Variants in UNKL observed in about 807,000 individuals in gnomAD.
The protein encoded by UNKL is putative E3 ubiquitin-protein ligase UNKL.
In UNKL, 60 loss-of-function variants were observed where a neutral mutation model predicts 78.0. The observed-to-expected ratio is 0.77, with a 90% CI of 0.63 to 0.95. The LOEUF is 0.95. UNKL is among the 40% of genes least tolerant of loss of function. UNKL has a pLI of 0.00. For synonymous variants in UNKL, 608 were observed against 474.8 expected (o/e 1.28, Z -3.65); for missense variants, 1,159 against 1,045.7 (o/e 1.11, Z -1.49).
Position 1,363,229 on chromosome 16 carries a change from C to T in UNKL, c.*3011G>A, listed in dbSNP as rs778271120. On this transcript the variant is annotated 3_prime_UTR_variant, in exon 15 of 15. Coordinates refer to ENST00000389221, the MANE Select transcript of UNKL (RefSeq NM_001372107.1). ...CAAAGATTCAAGGTTTTAATTAATT[C>T]CCATACTGATAAAAATAACTCCATG... 4.0e-5 allele frequency: 29 copies of T among 733,592 alleles called. No individual in the cohort carries two copies. Among genetic ancestry groups the T allele is most frequent in the Non-Finnish European group, 6.2e-5 (26 of 420,938 alleles). 45.4% of individuals were successfully genotyped at this position (733,592 alleles called of 1,614,324 possible).
At chr16:1,401,344 G>T in intron 4 of UNKL, 1 of 456,344 alleles carries the variant, frequency 2.2e-6, no homozygotes, top group Non-Finnish European at 3.6e-6. Flanking sequence ...GCCAGTTGCC[G>T]CAGAGATTCA....
At chr16:1,412,682 A>G (rs1340085812) in intron 2 of UNKL, among the ~76,000 whole-genome samples, 1 of 152,232 alleles carries the variant, frequency 6.6e-6, no homozygotes, top group Non-Finnish European at 1.5e-5. Context: ...AAACATCAAG[A>G]GACGAAACAT....
chr16:1,371,082 C>CAA (rs764163064), intron 11 of UNKL, among the ~76,000 whole-genome samples: 196 of 67,834 alleles, frequency 2.9e-3, no homozygotes, highest in African/African-American at 7.1e-3. Context: ...GGCTCTGTCT[C>CAA]AAAAAAAAAA....
Position 1,367,246 on chromosome 16 carries a change from G to A in UNKL, c.1892C>T (p.Ala631Val). The A allele has an allele frequency of 1.4e-5, 23 of 1,592,102 alleles. No homozygotes were observed. The highest frequency in any genetic ancestry group is 2.0e-5 in the Non-Finnish European group (23 of 1,172,810). ...LALQKKEEVE[A>V]QVKQLQEELE... The stretch of plus-strand genomic sequence containing the variant: ...CTCCTCCTGCAGCTGCTTCACCTGT[G>A]CCTCCACCTCCTCCTTCTTCTGCAG... The change falls in exon 14 of 15, where the codon GCA (alanine) becomes GTA (valine). Residue 631 changes from alanine to valine, a missense_variant. Coordinates refer to ENST00000389221, the MANE Select transcript of UNKL (RefSeq NM_001372107.1).
At chr16:1,367,896 G>A in intron 12 of UNKL, 38 bp from the exon 13 acceptor site, 2 of 1,511,896 alleles carry the variant, frequency 1.3e-6, no homozygotes, top group Non-Finnish European at 1.8e-6. Flanking sequence ...CAGCCCTGCT[G>A]TGCTCGCGGC....
chr16:1,381,001 G>C (rs1400624984), intron 10 of UNKL, among the ~76,000 whole-genome samples: 3 of 152,144 alleles, frequency 2.0e-5, no homozygotes, highest in Non-Finnish European at 4.4e-5. Flanking sequence ...AAATGAAAGA[G>C]TGTGCTTCAA....
intron 9 of UNKL, among the ~76,000 whole-genome samples, chr16:1,386,351 G>A (rs576531400): frequency 1.3e-5 from 2 of 152,302 alleles, no homozygotes; most frequent in South Asian, 2.1e-4. Context: ...TCAGGAGTTC[G>A]AGACCAGGCT....
chr16:1,366,158 A>G lies in UNKL; in HGVS notation c.*82T>C, dbSNP rs548719190. ...CCTCGGTCCTCACGTCGGTGGCACC[A>G]GAAGCGAGTGACGACATGTCCGTGG... On this transcript the variant is annotated 3_prime_UTR_variant, in exon 15 of 15. Transcript: ENST00000389221. 7 of 1,396,554 alleles carry G rather than the reference A, an allele frequency of 5.0e-6. No individual in the cohort carries two copies. In the South Asian group the frequency reaches 9.5e-5, roughly 19 times the overall value. The allele number at this position is 1,396,554 out of a possible 1,614,324, so 86.5% of individuals were successfully genotyped here.
chr16:1,366,129 C>T lies in UNKL; in HGVS notation c.*111G>A. On this transcript the variant is annotated 3_prime_UTR_variant, in exon 15 of 15. Coordinates refer to ENST00000389221, the MANE Select transcript of UNKL (RefSeq NM_001372107.1). Reference sequence around the variant, plus strand: ...TGATAACGTGTAACAGGAAGGGCTCCCAGCCTCGGTCCTCACGTCGGTGGC... The same window carrying T: ...TGATAACGTGTAACAGGAAGGGCTCTCAGCCTCGGTCCTCACGTCGGTGGC... The T allele has an allele frequency of 1.5e-6, 2 of 1,305,106 alleles. No homozygotes were observed. Among genetic ancestry groups the T allele is most frequent in the Admixed American group, 6.2e-5 (2 of 32,174 alleles). 80.8% of individuals were successfully genotyped at this position (1,305,106 alleles called of 1,614,324 possible). A position where few individuals can be genotyped will look rare whatever the true frequency, so the allele number is the denominator to read the frequency against.
chr16:1,402,111 C>T (rs1165622805), intron 3 of UNKL, among the ~76,000 whole-genome samples: 1 of 152,244 alleles, frequency 6.6e-6, no homozygotes, highest in Admixed American at 6.5e-5. Context: ...CGCTTTTCTG[C>T]AGCCCCAGAC....
chr16:1,401,846 G>A lies in UNKL; in HGVS notation c.465-145C>T, dbSNP rs117069883. 7.1e-3 allele frequency: 8,129 copies of A among 1,150,790 alleles called. 48 individuals are homozygous for A. Among genetic ancestry groups the A allele is most frequent in the Non-Finnish European group, 7.8e-3 (6,661 of 849,874 alleles). The allele number at this position is 1,150,790 out of a possible 1,614,324, so 71.3% of individuals were successfully genotyped here. On this transcript the variant is annotated intron_variant, in intron 3 of 14. Transcript: ENST00000389221. Reference sequence around the variant, plus strand: ...TCAGGACGGAGTCTCAGTGTGTGGCGCTCCGCTGTCCTGGCCCGCAGTCCT... The same window carrying A: ...TCAGGACGGAGTCTCAGTGTGTGGCACTCCGCTGTCCTGGCCCGCAGTCCT...
At position 1,366,349 on chromosome 16, in the gene UNKL, C is replaced by T. The variant is rs780497442; in HGVS notation, c.2093G>A (p.Arg698Gln). The T allele has an allele frequency of 4.2e-5, 68 of 1,604,392 alleles. No homozygotes were observed. The highest frequency in any genetic ancestry group is 1.3e-4 in the East Asian group (6 of 44,544). ...GGGCCGCAGGACAGCACCGTGGGCC[C>T]GCTCCCGGCAGGCCACACACTGCTT... is the stretch of plus-strand genomic sequence containing the variant. ...RAKQCVACRE[R>Q]AHGAVLRPCQ... The change falls in exon 15 of 15, where the codon CGG becomes CAG. Residue 698 changes from arginine to glutamine, a missense_variant. By Grantham distance (43) the Arg-to-Gln change is conservative. Coordinates refer to ENST00000389221, the MANE Select transcript of UNKL (RefSeq NM_001372107.1).
chr16:1,402,178 T>C (rs1402187441), intron 3 of UNKL, among the ~76,000 whole-genome samples: 1 of 149,720 alleles, frequency 6.7e-6, no homozygotes, highest in Admixed American at 6.8e-5. Flanking sequence ...TCAACCCCAG[T>C]GAGCTGCCCT....
At chr16:1,412,091 A>G (rs2038066485) in intron 2 of UNKL, 2 of 152,148 alleles carry the variant, frequency 1.3e-5, no homozygotes, top group Admixed American at 1.3e-4. Flanking sequence ...CTAGGCAGGA[A>G]TGGACCACCC....
At position 1,413,929 on chromosome 16, in the gene UNKL, C is replaced by A; in HGVS notation, c.204G>T (p.Arg68Ser). 1 of 1,557,384 alleles carries A rather than the reference C, an allele frequency of 6.4e-7. No individual in the cohort carries two copies. Among genetic ancestry groups the A allele is most frequent in the African/African-American group, 1.4e-5 (1 of 73,362 alleles). The part of the protein sequence containing the change: ...LNQRRRRPLR[R>S]RDGTFNYSPD... ...GGCTGTAGTTGAAGGTGCCGTCGCG[C>A]CTGCGGAGGGGCCTGCGGCGCCGCT... Residue 68 changes from arginine (R) to serine (S), a missense_variant, in exon 2 of 15, where the codon AGG becomes AGT. Coordinates refer to ENST00000389221, the MANE Select transcript of UNKL (RefSeq NM_001372107.1).
chr16:1,395,877 A>G, intron 6 of UNKL: 1 of 418,220 alleles, frequency 2.4e-6, no homozygotes, highest in South Asian at 1.6e-5. Flanking sequence ...CTGTGACAAC[A>G]TGAGTCAAGA....
intron 9 of UNKL, among the ~76,000 whole-genome samples, chr16:1,390,034 T>C (rs1365749654): frequency 6.6e-6 from 1 of 152,190 alleles, no homozygotes; most frequent in African/African-American, 2.4e-5. Flanking sequence ...TCACCCAGGA[T>C]GCAGTGCAGT....
At chr16:1,366,820 G>A (rs540906860) in intron 14 of UNKL, among the ~76,000 whole-genome samples, 127 of 152,124 alleles carry the variant, frequency 8.3e-4, no homozygotes, top group African/African-American at 3.0e-3. Flanking sequence ...AGGGAGGGAT[G>A]GGGCCACGGG....
At chr16:1,405,833 A>G (rs1215098814) in intron 2 of UNKL, 1 of 420,122 alleles carries the variant, frequency 2.4e-6, no homozygotes, top group African/African-American at 2.0e-5. Context: ...CCCTGGACCC[A>G]CCGAGACCAG....
Sources: allele counts gnomAD v4.1 joint callset (sites outside exome capture counted in the v4.1 genomes callset), GRCh38; gene constraint gnomAD v4.1.1; transcripts MANE v1.5; gene names NCBI Gene and HGNC (gene_info 2026-07-23, HGNC 2026-07-21).